PARK7: variants seen among roughly 807,000 people sequenced by gnomAD.
PARK7 encodes the protein Parkinsonism associated deglycase.
A neutral mutation model predicts 20.5 loss-of-function variants in PARK7; 14 were observed. The observed-to-expected ratio is 0.68, with a 90% CI of 0.45 to 1.07. The LOEUF (loss-of-function observed/expected upper bound fraction) is 1.07. Ranked by LOEUF, PARK7 falls within the 50% of genes least tolerant of loss-of-function variation. The pLI is 0.00. For missense variants in PARK7, 234 were observed against 238.1 expected, an observed-to-expected ratio of 0.98 and a Z score of 0.11; for synonymous variants, 98 against 84.3, an observed-to-expected ratio of 1.16 and a Z score of -0.89.
Position 7,985,136 on chromosome 1 carries a change from G to T in PARK7, c.*82G>T, listed in dbSNP as rs753624096. On this transcript the variant is annotated 3_prime_UTR_variant, in exon 7 of 7. Transcript: ENST00000338639. ...TGTGTTCGCTCTAAACAAAACAGTG[G>T]TAGGTTAATGTGTTCAGAAGTCGCT... The T allele has an allele frequency of 6.5e-7, 1 of 1,534,952 alleles. No homozygotes were observed. The highest frequency in any genetic ancestry group is 2.3e-4 in the Middle Eastern group (1 of 4,380).
At chr1:7,968,537 A>G (rs572150771) in intron 3 of PARK7, among the ~76,000 whole-genome samples, 26 of 151,890 alleles carry the variant, frequency 1.7e-4, no homozygotes, top group African/African-American at 6.0e-4. Context: ...GTTTTTTTAG[A>G]CAGAGTCTTG....
Position 7,962,779 on chromosome 1 carries a change from CAT to C in PARK7, c.-5_-4del. The C allele has an allele frequency of 1.6e-5, 18 of 1,097,456 alleles. No homozygotes were observed. Among genetic ancestry groups the C allele is most frequent in the Non-Finnish European group, 2.4e-5 (18 of 751,148 alleles). 68.0% of individuals were successfully genotyped at this position (1,097,456 alleles called of 1,614,324 possible). On this transcript the variant is annotated 5_prime_UTR_variant, in exon 2 of 7. Coordinates refer to ENST00000338639, the MANE Select transcript of PARK7 (RefSeq NM_007262.5). ...TTTTTTAAGGCTTGTAAACATATAA[CAT>C]AAAAATGGCTTCCAAAAGAGCTCTG...
chr1:7,966,834 A>C (rs1225094379), intron 3 of PARK7, among the ~76,000 whole-genome samples: 1 of 152,198 alleles, frequency 6.6e-6, no homozygotes, highest in African/African-American at 2.4e-5. Context: ...GTACATATTC[A>C]TGGGATTTGT....
chr1:7,970,999 TGGTG>T, intron 5 of PARK7, 36 bp downstream of exon 5: 1 of 1,609,418 alleles, frequency 6.2e-7, no homozygotes, highest in South Asian at 1.1e-5. Flanking sequence ...GCAGCGTCAT[TGGTG>T]GGTGGGGTAG....
chr1:7,968,045 C>CGA (rs1197081258), intron 3 of PARK7, among the ~76,000 whole-genome samples: 2 of 151,962 alleles, frequency 1.3e-5, no homozygotes, highest in African/African-American at 4.8e-5. Context: ...CACAGTGGTT[C>CGA]ACGCCTGTAA....
Position 7,985,171 on chromosome 1 carries a change from ACTT to A in PARK7, c.*118_*120del, listed in dbSNP as rs751840879. 1.7e-4 allele frequency: 235 copies of A among 1,390,612 alleles called. No homozygotes were observed. Among genetic ancestry groups the A allele is most frequent in the Non-Finnish European group, 2.2e-4 (227 of 1,014,792 alleles). 86.1% of individuals were successfully genotyped at this position (1,390,612 alleles called of 1,614,324 possible). A position where few individuals can be genotyped will look rare whatever the true frequency, so the allele number is the denominator to read the frequency against. ...GTGTTCAGAAGTCGCTGTCCTTACT[ACTT>A]TTGCGGAAGTATGGAAGTCACAACT... On this transcript the variant is annotated 3_prime_UTR_variant, in exon 7 of 7. Transcript: ENST00000338639.
chr1:7,970,118 C>T (rs1640432711), intron 4 of PARK7, among the ~76,000 whole-genome samples: 1 of 151,996 alleles, frequency 6.6e-6, no homozygotes, highest in Non-Finnish European at 1.5e-5. Context: ...TGACTTGAGG[C>T]CAGGGATTTG....
intron 5 of PARK7, 182 bp downstream of exon 5, chr1:7,971,145 T>G (rs1437571979): frequency 4.3e-6 from 3 of 701,310 alleles, no homozygotes; most frequent in Non-Finnish European, 7.7e-6. Context: ...TTGTTCTGTT[T>G]TCTGCCTCTC....
chr1:7,982,992 G>C (rs981056996), intron 6 of PARK7: 3 of 152,204 alleles, frequency 2.0e-5, no homozygotes, highest in African/African-American at 7.2e-5. Context: ...CAGTGGCTTG[G>C]TTTCTAATGA....
At chr1:7,968,326 A>T (rs112916060) in intron 3 of PARK7, among the ~76,000 whole-genome samples, 40,788 of 149,630 alleles carry the variant, frequency 0.27, 7,534 homozygotes, top group Non-Finnish European at 0.41. Context: ...AAAGAAAAGA[A>T]AAATAAATAA....
At chr1:7,980,227 GAATTT>G (rs1467116570) in intron 6 of PARK7, among the ~76,000 whole-genome samples, 1 of 151,974 alleles carries the variant, frequency 6.6e-6, no homozygotes, top group Non-Finnish European at 1.5e-5. Flanking sequence ...TTAAATGTAG[GAATTT>G]AATTTACTTT....
intron 5 of PARK7, among the ~76,000 whole-genome samples, chr1:7,973,870 T>C (rs576472340): frequency 1.3e-5 from 2 of 148,582 alleles, no homozygotes; most frequent in East Asian, 2.0e-4. Context: ...ATCGTGCCAC[T>C]GCACTCCAGC....
chr1:7,964,247 C>T (rs1034369765), intron 2 of PARK7, among the ~76,000 whole-genome samples: 6 of 152,092 alleles, frequency 3.9e-5, no homozygotes, highest in Non-Finnish European at 7.4e-5. Flanking sequence ...TTCTAAGTGC[C>T]GATAAACCTT....
chr1:7,962,764 C>T lies in PARK7; in HGVS notation c.-22C>T, dbSNP rs11548933. ...TCTTTTTTTTTTTTTTTTTTTAAGG[C>T]TTGTAAACATATAACATAAAAATGG... On this transcript the variant is annotated splice_region_variant and 5_prime_UTR_variant, in exon 2 of 7. Transcript: ENST00000338639. The T allele has an allele frequency of 7.9e-3, 9,703 of 1,235,092 alleles. 546 individuals are homozygous for T. In the African/African-American group the frequency reaches 0.14, roughly 18 times the overall value. The allele number at this position is 1,235,092 out of a possible 1,614,324, so 76.5% of individuals were successfully genotyped here. A position where few individuals can be genotyped will look rare whatever the true frequency, so the allele number is the denominator to read the frequency against.
intron 6 of PARK7, among the ~76,000 whole-genome samples, chr1:7,978,963 C>CT (rs1054194058): frequency 3.3e-5 from 5 of 151,598 alleles, no homozygotes; most frequent in African/African-American, 1.2e-4. Context: ...CTGCAGCTTG[C>CT]TTTTTTTAAC....
chr1:7,975,894 T>TA (rs1242654614), intron 5 of PARK7, among the ~76,000 whole-genome samples: 9 of 152,256 alleles, frequency 5.9e-5, no homozygotes, highest in Non-Finnish European at 1.0e-4. Flanking sequence ...ATTCAATTCT[T>TA]ACGGACTTCT....
intron 6 of PARK7, among the ~76,000 whole-genome samples, chr1:7,978,394 T>G (rs763890421): frequency 0.067 from 620 of 9,232 alleles, 1 homozygote; most frequent in African/African-American, 0.14. Context: ...TGTGTGTGGT[T>G]TTTTTTTTTT....
chr1:7,980,876 T>C (rs755285363), intron 6 of PARK7, among the ~76,000 whole-genome samples: 3 of 151,942 alleles, frequency 2.0e-5, no homozygotes, highest in Admixed American at 6.6e-5. Context: ...CTTTTTTTCT[T>C]ATCTTTTTTT....
rs113010047 is a variant in PARK7 at position 7,984,636 on chromosome 1, T to TA, written c.410-255dup. Among the ~76,000 whole-genome samples, 1 of 152,200 alleles carries TA rather than the reference T, an allele frequency of 6.6e-6. No individual in the cohort carries two copies. The highest frequency in any genetic ancestry group is 1.5e-5 in the Non-Finnish European group (1 of 68,040). On this transcript the variant is annotated intron_variant, in intron 6 of 6. Coordinates refer to ENST00000338639, the MANE Select transcript of PARK7 (RefSeq NM_007262.5). The surrounding 1 kb of genome is among the most constrained non-coding windows in gnomAD (Gnocchi z 4.3). ...ATTCACCGACATCTCCCCCAACACTTAAAGTCTTAGCAGCTGCATTTAACT... is the reference window on the plus strand; with the variant it reads ...ATTCACCGACATCTCCCCCAACACTTAAAAGTCTTAGCAGCTGCATTTAACT...
Sources: gnomAD v4.1 joint callset for allele counts (sites outside exome capture counted in the v4.1 genomes callset) on GRCh38, gnomAD v4.1.1 for gene constraint, Gnocchi (gnomAD v3.1) non-coding constraint, MANE v1.5 for transcripts, NCBI Gene and HGNC (gene_info 2026-07-23, HGNC 2026-07-21) for gene names.